Variants in CALN1 observed in about 807,000 individuals in gnomAD.
CALN1 encodes calcium-binding protein 8.
CALN1 carries 17 observed loss-of-function variants against 30.6 expected under a neutral mutation model. The ratio of observed to expected loss-of-function variants is 0.56; its 90% CI spans 0.38 to 0.83. The LOEUF is 0.83. Ranked by LOEUF, CALN1 falls within the 40% of genes least tolerant of loss-of-function variation. The pLI, the probability that CALN1 is intolerant of heterozygous loss-of-function variation, is 0.00. For missense variants in CALN1, 291 were observed against 354.9 expected (o/e 0.82, Z 1.45); for synonymous variants, 156 against 131.4 (o/e 1.19, Z -1.28).
chr7:72,057,071 G>C (rs1803302354), intron 4 of CALN1, among the ~76,000 whole-genome samples: 1 of 151,280 alleles, frequency 6.6e-6, no homozygotes, highest in Non-Finnish European at 1.5e-5. Flanking sequence ...CTCCCCAGTA[G>C]CTAGGATTAC....
chr7:72,464,418 C>T, the CALN1 span, among the ~76,000 whole-genome samples: 1 of 152,168 alleles, frequency 6.6e-6, no homozygotes, highest in Non-Finnish European at 1.5e-5. Context: ...TTCTTCGATG[C>T]CTCTGGATAA....
At chr7:72,180,908 G>A (rs1404357969) in intron 3 of CALN1, among the ~76,000 whole-genome samples, 1 of 151,944 alleles carries the variant, frequency 6.6e-6, no homozygotes, top group African/African-American at 2.4e-5. Flanking sequence ...GACCAGCCTG[G>A]CCAACACAGT....
At position 72,150,859 on chromosome 7, in the gene CALN1, T is replaced by C. The variant is rs537207004; in HGVS notation, c.245-44565A>G. 4.4e-4 allele frequency among the ~76,000 whole-genome samples: 62 copies of C among 141,478 alleles called. 1 individual carries two copies. Among genetic ancestry groups the C allele is most frequent in the African/African-American group, 1.5e-3 (60 of 39,244 alleles). The allele number at this position is 141,478 out of a possible 152,430, so 92.8% of individuals were successfully genotyped here. A position where few individuals can be genotyped will look rare whatever the true frequency, so the allele number is the denominator to read the frequency against. On this transcript the variant is annotated intron_variant, in intron 3 of 6. Coordinates refer to ENST00000395275, the MANE Select transcript of CALN1 (RefSeq NM_031468.4). ...GCATAGAGTAGATGCTCAATAACTA[T>C]TTGCTGTGATGATATGATGATGATG...
chr7:72,440,817 A>G (rs924756182), intron 1 of CALN1, among the ~76,000 whole-genome samples: 1 of 152,142 alleles, frequency 6.6e-6, no homozygotes, highest in African/African-American at 2.4e-5. Context: ...ACAGAGCGAG[A>G]CTCTGTCTCA....
intron 3 of CALN1, among the ~76,000 whole-genome samples, chr7:72,264,326 T>A (rs908304090): frequency 3.3e-5 from 5 of 152,156 alleles, no homozygotes; most frequent in Non-Finnish European, 7.3e-5. Context: ...GAACACTCAC[T>A]TTATAGAATG....
chr7:72,161,212 A>T (rs1363695571), intron 3 of CALN1, among the ~76,000 whole-genome samples: 1 of 152,180 alleles, frequency 6.6e-6, no homozygotes, highest in Non-Finnish European at 1.5e-5. Flanking sequence ...TCACTTGGGA[A>T]ATCTCAAGGG....
At chr7:72,260,761 A>T (rs1796211819) in intron 3 of CALN1, among the ~76,000 whole-genome samples, 1 of 152,106 alleles carries the variant, frequency 6.6e-6, no homozygotes, top group Admixed American at 6.6e-5. Flanking sequence ...ATTTGTCTCC[A>T]TGACACCCCT....
At chr7:72,136,819 CAGAT>C (rs1381332484) in intron 3 of CALN1, among the ~76,000 whole-genome samples, 1 of 152,066 alleles carries the variant, frequency 6.6e-6, no homozygotes, top group East Asian at 1.9e-4. Flanking sequence ...GAGAGGGAGA[CAGAT>C]AGGGAAGGGC....
intron 1 of CALN1, among the ~76,000 whole-genome samples, 197 bp from the exon 2 acceptor site, chr7:72,403,639 G>C (rs117613398): frequency 6.6e-6 from 1 of 152,210 alleles, no homozygotes; most frequent in South Asian, 2.1e-4. Context: ...TGTCACCAGA[G>C]GGTATTGCAC....
chr7:72,265,087 C>T (rs568363708), intron 3 of CALN1, among the ~76,000 whole-genome samples: 52 of 152,308 alleles, frequency 3.4e-4, no homozygotes, highest in African/African-American at 1.1e-3. Context: ...TCCCAAAGTG[C>T]TGGGATGACA....
chr7:71,832,390 A>C (rs1320917257), intron 5 of CALN1, among the ~76,000 whole-genome samples: 1 of 152,238 alleles, frequency 6.6e-6, no homozygotes, highest in Non-Finnish European at 1.5e-5. Context: ...AACAAAGTGC[A>C]ATCTAAATAA....
At chr7:71,804,044 T>C (rs959363645) in intron 6 of CALN1, among the ~76,000 whole-genome samples, 4 of 152,122 alleles carry the variant, frequency 2.6e-5, no homozygotes, top group African/African-American at 9.7e-5. Flanking sequence ...AAAACAAACC[T>C]TTCCCATCAA....
rs1791153435 is a variant in CALN1, at chr7:71,859,545, A to C, written c.502-49053T>G. Among the ~76,000 whole-genome samples, 2 of 152,184 alleles carry C rather than the reference A, an allele frequency of 1.3e-5. 1 individual carries two copies. Among genetic ancestry groups the C allele is most frequent in the South Asian group, 4.1e-4 (2 of 4,828 alleles). ...CATGACCCTTGGCTATATGAGTTTG[A>C]GACTGTAAGTGTGGACTCCTGTATC... On this transcript the variant is annotated intron_variant, in intron 5 of 6. Coordinates refer to ENST00000395275, the MANE Select transcript of CALN1 (RefSeq NM_031468.4).
chr7:72,385,506 C>T (rs185127798), intron 2 of CALN1, among the ~76,000 whole-genome samples: 235 of 152,146 alleles, frequency 1.5e-3, no homozygotes, highest in Admixed American at 5.1e-3. Flanking sequence ...GGCTTCATGT[C>T]CCCACCCAAA....
chr7:72,113,844 T>C (rs981075051), intron 3 of CALN1, among the ~76,000 whole-genome samples: 1 of 152,240 alleles, frequency 6.6e-6, no homozygotes, highest in African/African-American at 2.4e-5. Flanking sequence ...TTTTAAAATA[T>C]ATATTTTTTA....
intron 2 of CALN1, among the ~76,000 whole-genome samples, chr7:72,400,555 A>G (rs1806272354): frequency 1.3e-5 from 2 of 152,172 alleles, no homozygotes; most frequent in Non-Finnish European, 1.5e-5. Flanking sequence ...AGCAGAGGCT[A>G]CATTACATGA....
At chr7:71,824,292 CTCAA>C (rs1457881213) in intron 5 of CALN1, among the ~76,000 whole-genome samples, 1 of 152,126 alleles carries the variant, frequency 6.6e-6, no homozygotes, top group African/African-American at 2.4e-5. Flanking sequence ...TTTCCCCTTC[CTCAA>C]TCATTGTCCC....
the CALN1 span, among the ~76,000 whole-genome samples, chr7:72,454,650 G>C: frequency 6.6e-6 from 1 of 152,112 alleles, no homozygotes; most frequent in African/African-American, 2.4e-5. Flanking sequence ...AAAATGTGGG[G>C]AGAGGAAGAA....
chr7:72,382,841 T>G (rs1033399549), intron 2 of CALN1, among the ~76,000 whole-genome samples: 1 of 152,140 alleles, frequency 6.6e-6, no homozygotes, highest in Non-Finnish European at 1.5e-5. Flanking sequence ...CAGGCTGGAG[T>G]GCAGGAGTGC....
Sources: allele counts gnomAD v4.1 joint callset (sites outside exome capture counted in the v4.1 genomes callset), GRCh38; gene constraint gnomAD v4.1.1; transcripts MANE v1.5; gene names NCBI Gene and HGNC (gene_info 2026-07-23, HGNC 2026-07-21).